CDON: variants seen among roughly 807,000 people sequenced by gnomAD.
CDON encodes cell adhesion associated, oncogene regulated.
Under a neutral mutation model 120.9 loss-of-function variants are expected in CDON, and 73 were observed. That is an observed-to-expected ratio of 0.60 (90% confidence interval 0.50 to 0.73). The LOEUF (loss-of-function observed/expected upper bound fraction) is 0.73. CDON is among the 30% of genes least tolerant of loss of function. CDON has a pLI of 0.00. For missense variants in CDON, 1,470 were observed against 1,587.3 expected (o/e 0.93, Z 1.26); for synonymous variants, 566 against 573.5 (o/e 0.99, Z 0.19).
rs532860573 is a variant in CDON, at chr11:126,034,162, C to A, written c.-61-10625G>T. On this transcript the variant is annotated intron_variant, in intron 1 of 19. Transcript: ENST00000531738. This position sits in a 1 kb window ranked among gnomAD's most constrained non-coding sequence, Gnocchi z 4.5. ...AAAAAGTTCACACCTACAGACTTCG[C>A]AACCCTTCCCCCACTTCTCCCAAGT... Among the ~76,000 whole-genome samples, 1 of 152,204 alleles carries A rather than the reference C, an allele frequency of 6.6e-6. No homozygotes were observed. The highest frequency in any genetic ancestry group is 2.1e-4 in the South Asian group (1 of 4,824).
chr11:125,960,919 C>A lies in CDON; in HGVS notation c.*23G>T. 6.2e-7 allele frequency: 1 copy of A among 1,613,136 alleles called. No individual in the cohort carries two copies. Among genetic ancestry groups the A allele is most frequent in the Admixed American group, 1.7e-5 (1 of 60,032 alleles). ...TGCAGTTACCGGCTTGAAGTTGGAA[C>A]ATGACTGGTTGTTTGCATGTCCTCA... On this transcript the variant is annotated 3_prime_UTR_variant, in exon 20 of 20. Transcript: ENST00000531738.
At chr11:126,024,688 G>A (rs946479518) in intron 1 of CDON, among the ~76,000 whole-genome samples, 5 of 152,188 alleles carry the variant, frequency 3.3e-5, no homozygotes, top group Admixed American at 1.3e-4. Context: ...GTGTGGAGCT[G>A]TAGGAAGAAG....
chr11:125,975,421 T>C (rs1276357288), intron 18 of CDON, among the ~76,000 whole-genome samples: 1 of 141,330 alleles, frequency 7.1e-6, no homozygotes, highest in Non-Finnish European at 1.5e-5. Context: ...ATAAATAATA[T>C]TTAATAGGAC....
chr11:125,997,252 T>C lies in CDON; in HGVS notation c.2317A>G (p.Ile773Val). 6.2e-7 allele frequency: 1 copy of C among 1,614,180 alleles called. No individual in the cohort carries two copies. Among genetic ancestry groups the C allele is most frequent in the Non-Finnish European group, 8.5e-7 (1 of 1,180,006 alleles). Residue 773 changes from isoleucine (I) to valine (V), a missense_variant, in exon 12 of 20, where the codon ATC becomes GTC. Ile to Val is a conservative substitution (Grantham distance 29). Coordinates refer to ENST00000531738, the MANE Select transcript of CDON (RefSeq NM_001378964.1). ...TCCACTGAAAGTTTGGAAGGAGGGATGTCTTCAGCTGCCACCAGCCAATTG... is the reference window on the plus strand; with the variant it reads ...TCCACTGAAAGTTTGGAAGGAGGGACGTCTTCAGCTGCCACCAGCCAATTG... ...TSNWLVAAED[I>V]PPSKLSVEVR...
chr11:126,059,076 C>T (rs1038186346), intron 1 of CDON, among the ~76,000 whole-genome samples: 1 of 151,214 alleles, frequency 6.6e-6, no homozygotes, highest in Non-Finnish European at 1.5e-5. Flanking sequence ...CCTATTAAAA[C>T]AAGCATTTCA....
intron 1 of CDON, among the ~76,000 whole-genome samples, chr11:126,030,247 T>C (rs1016132780): frequency 6.6e-6 from 1 of 152,222 alleles, no homozygotes; most frequent in African/African-American, 2.4e-5. Context: ...ATTGTTCAGG[T>C]TGTGAACTTA....
chr11:126,041,259 A>C (rs895931839), intron 1 of CDON, among the ~76,000 whole-genome samples: 6 of 152,166 alleles, frequency 3.9e-5, no homozygotes, highest in African/African-American at 1.4e-4. Context: ...CTAAGGGAAA[A>C]AGACCACAAA....
chr11:125,998,197 C>T (rs1157164003), intron 11 of CDON, among the ~76,000 whole-genome samples: 1 of 152,110 alleles, frequency 6.6e-6, no homozygotes, highest in Non-Finnish European at 1.5e-5. Context: ...GCTCATCAGC[C>T]ATTGAAACCA....
chr11:125,965,015 C>G lies in CDON; in HGVS notation c.3357-3017G>C, dbSNP rs537822755. Reference sequence around the variant, plus strand: ...GATCTCAGTTCACTGCAACCTCCGCCTTTCGGGTTCAAGCAATTCTCCTGC... The same window carrying G: ...GATCTCAGTTCACTGCAACCTCCGCGTTTCGGGTTCAAGCAATTCTCCTGC... On this transcript the variant is annotated intron_variant, in intron 18 of 19. Transcript: ENST00000531738. Among the ~76,000 whole-genome samples the G allele has an allele frequency of 1.7e-4, 26 of 152,314 alleles. No homozygotes were observed. In the East Asian group the frequency reaches 4.8e-3, roughly 28 times the overall value.
intron 14 of CDON, among the ~76,000 whole-genome samples, chr11:125,991,815 A>T (rs1334972955): frequency 6.6e-6 from 1 of 152,214 alleles, no homozygotes; most frequent in African/African-American, 2.4e-5. Flanking sequence ...CCACTTAAAC[A>T]TCTAACTGCT....
intron 18 of CDON, among the ~76,000 whole-genome samples, chr11:125,963,311 C>T (rs568636958): frequency 6.6e-6 from 1 of 152,006 alleles, no homozygotes; most frequent in Non-Finnish European, 1.5e-5. Context: ...CTTTTTTTCC[C>T]CCCTATAATT....
At chr11:125,982,247 T>C (rs1946335030) in intron 16 of CDON, among the ~76,000 whole-genome samples, 1 of 152,160 alleles carries the variant, frequency 6.6e-6, no homozygotes, top group African/African-American at 2.4e-5. Flanking sequence ...GTGCTATGAT[T>C]ACAGGCGTGA....
intron 1 of CDON, among the ~76,000 whole-genome samples, chr11:126,027,851 G>A (rs975335824): frequency 1.3e-5 from 2 of 152,016 alleles, no homozygotes; most frequent in African/African-American, 4.8e-5. Context: ...CTTGCCAAAC[G>A]TGCTTAACCT....
chr11:126,013,287 G>C (rs1462682141), intron 7 of CDON, among the ~76,000 whole-genome samples: 1 of 152,146 alleles, frequency 6.6e-6, no homozygotes, highest in Non-Finnish European at 1.5e-5. Flanking sequence ...ATTGGGCTTT[G>C]ATTTTCCTTT....
intron 18 of CDON, among the ~76,000 whole-genome samples, chr11:125,971,121 C>T (rs139515080): frequency 3.9e-4 from 59 of 152,246 alleles, no homozygotes; most frequent in East Asian, 3.5e-3. Flanking sequence ...CGGTGGCTCA[C>T]GCCTGTAATC....
At chr11:125,997,917 T>C (rs916283159) in intron 11 of CDON, among the ~76,000 whole-genome samples, 1 of 152,192 alleles carries the variant, frequency 6.6e-6, no homozygotes, top group Non-Finnish European at 1.5e-5. Context: ...ATACAGACTA[T>C]AAGTGGCAAA....
chr11:125,993,236 A>G (rs1946679790), intron 14 of CDON, among the ~76,000 whole-genome samples: 1 of 152,130 alleles, frequency 6.6e-6, no homozygotes, highest in Non-Finnish European at 1.5e-5. Flanking sequence ...TGAATTCAAT[A>G]CTGGCCACCT....
intron 18 of CDON, among the ~76,000 whole-genome samples, chr11:125,970,342 TTTTTG>T (rs1167664468): frequency 6.6e-6 from 1 of 151,768 alleles, no homozygotes; most frequent in Non-Finnish European, 1.5e-5. Flanking sequence ...GCCTGGCTGA[TTTTTG>T]TTTTTTTAGT....
intron 3 of CDON, among the ~76,000 whole-genome samples, chr11:126,020,525 C>A (rs77846329): frequency 0.02 from 3,053 of 152,190 alleles, 111 homozygotes; most frequent in African/African-American, 0.07. Flanking sequence ...TTACAGCTGT[C>A]CATGGGTCAC....
Sources: gnomAD v4.1 joint callset for allele counts (sites outside exome capture counted in the v4.1 genomes callset) on GRCh38, gnomAD v4.1.1 for gene constraint, Gnocchi (gnomAD v3.1) non-coding constraint, MANE v1.5 for transcripts, NCBI Gene and HGNC (gene_info 2026-07-23, HGNC 2026-07-21) for gene names.